HACD2: variants seen among roughly 807,000 people sequenced by gnomAD.
The protein encoded by HACD2 is 3-hydroxyacyl-CoA dehydratase 2, also known as very-long-chain (3R)-3-hydroxyacyl-CoA dehydratase 2.
In HACD2, 15 loss-of-function variants were observed where a neutral mutation model predicts 31.0. The ratio of observed to expected loss-of-function variants is 0.48; its 90% CI spans 0.32 to 0.75. HACD2 has a LOEUF of 0.75. HACD2 is among the 30% of genes least tolerant of loss of function. The pLI is 0.03. For synonymous variants in HACD2, 115 were observed against 122.2 expected, an observed-to-expected ratio of 0.94 and a Z score of 0.39; for missense variants, 283 against 313.0, an observed-to-expected ratio of 0.90 and a Z score of 0.72.
chr3:123,549,927 T>G (rs773123770), intron 3 of HACD2, among the ~76,000 whole-genome samples: 1 of 152,160 alleles, frequency 6.6e-6, no homozygotes, highest in African/African-American at 2.4e-5. Flanking sequence ...GAGTTGTCAT[T>G]TGGGAATCCA....
intron 3 of HACD2, among the ~76,000 whole-genome samples, chr3:123,554,445 G>A (rs1182310495): frequency 6.6e-6 from 1 of 152,032 alleles, no homozygotes; most frequent in Admixed American, 6.6e-5. Flanking sequence ...AGGCTAAAGT[G>A]TGCTATGATC....
intron 3 of HACD2, among the ~76,000 whole-genome samples, chr3:123,540,251 T>C (rs1458675869): frequency 6.6e-6 from 1 of 152,172 alleles, no homozygotes; most frequent in Admixed American, 6.5e-5. Context: ...GCTGTCCAAA[T>C]ATCTGCCACT....
At chr3:123,542,853 C>G (rs945616524) in intron 3 of HACD2, among the ~76,000 whole-genome samples, 3 of 152,212 alleles carry the variant, frequency 2.0e-5, no homozygotes, top group African/African-American at 4.8e-5. Flanking sequence ...TCTGAAGATG[C>G]TCCAACTGGC....
At chr3:123,581,469 C>A (rs886641261) in intron 2 of HACD2, among the ~76,000 whole-genome samples, 3 of 152,062 alleles carry the variant, frequency 2.0e-5, no homozygotes, top group Non-Finnish European at 4.4e-5. Flanking sequence ...ACAGATGCTG[C>A]GAAAAATAAA....
At position 123,511,372 on chromosome 3, in the gene HACD2, C is replaced by T. The variant is rs545716807; in HGVS notation, c.382-8691G>A. Among the ~76,000 whole-genome samples, 15 of 152,242 alleles carry T rather than the reference C, an allele frequency of 9.9e-5. No individual in the cohort carries two copies. In the South Asian group the frequency reaches 2.5e-3, roughly 25 times the overall value. On this transcript the variant is annotated intron_variant, in intron 4 of 6. Coordinates refer to ENST00000383657, the MANE Select transcript of HACD2 (RefSeq NM_198402.5). ...GCATGTGAACACACACACACATACACACACACATTATGGGGTAACAATTAT... is the reference window on the plus strand; with the variant it reads ...GCATGTGAACACACACACACATACATACACACATTATGGGGTAACAATTAT...
At chr3:123,527,317 T>C (rs1354604786) in intron 4 of HACD2, among the ~76,000 whole-genome samples, 2 of 152,208 alleles carry the variant, frequency 1.3e-5, no homozygotes, top group Non-Finnish European at 2.9e-5. Context: ...AGTCCAAAAA[T>C]ATTAAATGGA....
At chr3:123,555,845 T>C (rs892485140) in intron 3 of HACD2, among the ~76,000 whole-genome samples, 4 of 152,278 alleles carry the variant, frequency 2.6e-5, no homozygotes, top group Admixed American at 6.5e-5. Context: ...AATCCTGGTA[T>C]TGGCAAAATA....
chr3:123,581,840 T>C (rs1180103737), intron 2 of HACD2, among the ~76,000 whole-genome samples: 1 of 152,214 alleles, frequency 6.6e-6, no homozygotes, highest in African/African-American at 2.4e-5. Context: ...TTATGTCTTC[T>C]ATCTATCACT....
intron 3 of HACD2, among the ~76,000 whole-genome samples, chr3:123,548,330 T>C (rs1032320090): frequency 6.6e-6 from 1 of 152,032 alleles, no homozygotes; most frequent in Non-Finnish European, 1.5e-5. Flanking sequence ...ACAAGGGACA[T>C]TCTAGCACGT....
intron 2 of HACD2, among the ~76,000 whole-genome samples, chr3:123,568,000 T>C (rs1191759732): frequency 6.6e-6 from 1 of 152,220 alleles, no homozygotes; most frequent in South Asian, 2.1e-4. Context: ...AGTTTGTGTA[T>C]CTTTGAAGGA....
At chr3:123,569,356 C>G (rs566330913) in intron 2 of HACD2, among the ~76,000 whole-genome samples, 1 of 152,222 alleles carries the variant, frequency 6.6e-6, no homozygotes, top group Admixed American at 6.5e-5. Flanking sequence ...AGTACCTAGA[C>G]AGAAAACCTG....
chr3:123,514,958 C>T (rs2056114868), intron 4 of HACD2, among the ~76,000 whole-genome samples: 1 of 152,148 alleles, frequency 6.6e-6, no homozygotes, highest in Admixed American at 6.5e-5. Flanking sequence ...CTGTTAGAAA[C>T]CTCAGGACAC....
chr3:123,570,453 C>T (rs190361644), intron 2 of HACD2, among the ~76,000 whole-genome samples: 2 of 152,034 alleles, frequency 1.3e-5, no homozygotes, highest in African/African-American at 4.8e-5. Context: ...AGAGGTACAG[C>T]CTAATACTTG....
chr3:123,580,853 ATTT>A (rs60669874), intron 2 of HACD2, among the ~76,000 whole-genome samples: 27 of 105,296 alleles, frequency 2.6e-4, no homozygotes, highest in Admixed American at 6.9e-4. Flanking sequence ...GAGATAAAGA[ATTT>A]TTTTTTTTTT....
At chr3:123,582,445 A>G in intron 1 of HACD2, 116 bp from the exon 2 acceptor site, 1 of 573,656 alleles carries the variant, frequency 1.7e-6, no homozygotes, top group Non-Finnish European at 2.9e-6. Context: ...AAGCATGAGT[A>G]ACCTGGATTT....
intron 3 of HACD2, among the ~76,000 whole-genome samples, chr3:123,531,495 T>C (rs2056359940): frequency 6.6e-6 from 1 of 152,090 alleles, no homozygotes; most frequent in Non-Finnish European, 1.5e-5. Context: ...AATTTTTGTA[T>C]TTTTGTTAGA....
chr3:123,522,036 T>C (rs986711447), intron 4 of HACD2, among the ~76,000 whole-genome samples: 1 of 152,150 alleles, frequency 6.6e-6, no homozygotes, highest in African/African-American at 2.4e-5. Flanking sequence ...GCCGGTGTGG[T>C]GGCTCATGCC....
intron 6 of HACD2, among the ~76,000 whole-genome samples, chr3:123,498,552 T>C (rs1375660010): frequency 1.3e-5 from 2 of 152,204 alleles, no homozygotes; most frequent in East Asian, 3.8e-4. Context: ...GTGAACCCTG[T>C]TGTAAACTGC....
chr3:123,556,544 T>C (rs1174996940), intron 3 of HACD2, among the ~76,000 whole-genome samples: 4 of 151,944 alleles, frequency 2.6e-5, no homozygotes, highest in Non-Finnish European at 5.9e-5. Flanking sequence ...GTAATCGAGA[T>C]ATCTATAGTA....
Sources: gnomAD v4.1 joint callset for allele counts (sites outside exome capture counted in the v4.1 genomes callset) on GRCh38, gnomAD v4.1.1 for gene constraint, MANE v1.5 for transcripts, NCBI Gene and HGNC (gene_info 2026-07-23, HGNC 2026-07-21) for gene names.